CACNA1G: variants seen among roughly 807,000 people sequenced by gnomAD.
CACNA1G encodes voltage-dependent T-type calcium channel subunit alpha-1G.
Under a neutral mutation model 219.4 loss-of-function variants are expected in CACNA1G, and 67 were observed. The observed-to-expected ratio is 0.31, with a 90% CI of 0.25 to 0.37. The LOEUF is 0.37. CACNA1G is among the 10% of genes least tolerant of loss of function. The pLI is 1.00. For synonymous variants in CACNA1G, 1,296 were observed against 1,345.3 expected, an observed-to-expected ratio of 0.96 and a Z score of 0.80; for missense variants, 2,380 against 3,231.4, an observed-to-expected ratio of 0.74 and a Z score of 6.39.
chr17:50,597,621 AT>A (rs907337555), intron 16 of CACNA1G, among the ~76,000 whole-genome samples: 8 of 152,212 alleles, frequency 5.3e-5, no homozygotes, highest in African/African-American at 1.4e-4. Flanking sequence ...TCACATACTT[AT>A]TTTTTTTGTG....
At chr17:50,561,944 TG>T (rs1223701547) in intron 1 of CACNA1G, 4 of 27,120 alleles carry the variant, frequency 1.5e-4, no homozygotes, top group African/African-American at 4.2e-4. Context: ...CTTCCTGGGT[TG>T]GGGGGGTGGG....
intron 1 of CACNA1G, among the ~76,000 whole-genome samples, chr17:50,567,855 T>G (rs2038338581): frequency 1.3e-5 from 2 of 152,096 alleles, no homozygotes; most frequent in African/African-American, 4.8e-5. Context: ...TAGAATCCAC[T>G]GTATGGAAAG....
At chr17:50,587,133 G>C (rs973383261) in intron 9 of CACNA1G, among the ~76,000 whole-genome samples, 1 of 152,196 alleles carries the variant, frequency 6.6e-6, no homozygotes, top group Non-Finnish European at 1.5e-5. Context: ...TGTGCTCTCT[G>C]TGTGAGCTCT....
intron 26 of CACNA1G, among the ~76,000 whole-genome samples, chr17:50,610,402 C>G (rs1362092177): frequency 6.6e-6 from 1 of 152,198 alleles, no homozygotes; most frequent in African/African-American, 2.4e-5. Flanking sequence ...GTCAAGTGAT[C>G]ACGGTGGCTG....
At chr17:50,581,705 C>A (rs1184800434) in intron 9 of CACNA1G, among the ~76,000 whole-genome samples, 1 of 152,214 alleles carries the variant, frequency 6.6e-6, no homozygotes, top group Admixed American at 6.5e-5. Context: ...GCCCAGAGGG[C>A]TGGTGAGAAG....
In CACNA1G at chr17:50,596,926, A is replaced by AG. The variant is rs1387830702; in HGVS notation, c.3258+8dup. 1.9e-6 allele frequency: 3 copies of AG among 1,549,020 alleles called. No homozygotes were observed. Among genetic ancestry groups the AG allele is most frequent in the Non-Finnish European group, 2.6e-6 (3 of 1,147,212 alleles). On this transcript the variant is annotated splice_donor_region_variant and intron_variant, in intron 16 of 37. Transcript: ENST00000359106. This position sits in a 1 kb window ranked among gnomAD's most constrained non-coding sequence, Gnocchi z 4.8. ...CGGCCCACGAGATGAAGTCACCGGT[A>AG]GGGGGTGCATGTGGGTACCCTGATG...
intron 2 of CACNA1G, 35 bp from the exon 3 acceptor site, chr17:50,569,130 G>A (rs761612325): frequency 8.1e-6 from 13 of 1,607,728 alleles, no homozygotes; most frequent in Admixed American, 5.0e-5. Context: ...CCTCACCCAC[G>A]TCTCAGTTTC....
Position 50,603,263 on chromosome 17 carries a change from A to C in CACNA1G, c.4169+64A>C. 1.2e-5 allele frequency: 17 copies of C among 1,374,480 alleles called. No individual in the cohort carries two copies. Among genetic ancestry groups the C allele is most frequent in the Admixed American group, 2.0e-5 (1 of 51,142 alleles). The allele number at this position is 1,374,480 out of a possible 1,614,324, so 85.1% of individuals were successfully genotyped here. A position where few individuals can be genotyped will look rare whatever the true frequency, so the allele number is the denominator to read the frequency against. On this transcript the variant is annotated intron_variant, in intron 21 of 37. Coordinates refer to ENST00000359106, the MANE Select transcript of CACNA1G (RefSeq NM_018896.5). The surrounding 1 kb of genome is among the most constrained non-coding windows in gnomAD (Gnocchi z 6.4). ...GGCCCCCTCCGCAGGGACATCTCCC[A>C]CCGCCAGCACTCCCTGCCACGAAAC...
At chr17:50,612,767 C>T (rs1237009810) in intron 26 of CACNA1G, among the ~76,000 whole-genome samples, 1 of 152,208 alleles carries the variant, frequency 6.6e-6, no homozygotes, top group Non-Finnish European at 1.5e-5. Flanking sequence ...CTGGGCTGCC[C>T]TAGATATGCC....
chr17:50,597,062 C>T, intron 16 of CACNA1G, 139 bp downstream of exon 16: 3 of 851,544 alleles, frequency 3.5e-6, no homozygotes, highest in South Asian at 3.7e-5. Context: ...CCTGGACAAG[C>T]CCCTGGGGAA....
At chr17:50,607,576 C>A in intron 24 of CACNA1G, 1 of 493,332 alleles carries the variant, frequency 2.0e-6, no homozygotes, top group Non-Finnish European at 3.6e-6. Flanking sequence ...TCTGGGAAGA[C>A]TGGGCTTGCA....
chr17:50,590,145 G>C (rs1227352801), intron 9 of CACNA1G, among the ~76,000 whole-genome samples: 1 of 152,164 alleles, frequency 6.6e-6, no homozygotes, highest in Non-Finnish European at 1.5e-5. Flanking sequence ...TTGTAGCCTA[G>C]GTCAAGATGG....
chr17:50,601,033 G>T lies in CACNA1G; in HGVS notation c.3792-18G>T, dbSNP rs1274555765. On this transcript the variant is annotated intron_variant, in intron 18 of 37. Transcript: ENST00000359106. ...GCCCTGCCTCCCCCTCTCAGCCGTT[G>T]CCTCCATGCCTGGGCAGGTTCCGCC... 1 of 1,611,852 alleles carries T rather than the reference G, an allele frequency of 6.2e-7. No homozygotes were observed. The highest frequency in any genetic ancestry group is 8.5e-7 in the Non-Finnish European group (1 of 1,178,534).
rs951350084 is a variant in CACNA1G, at chr17:50,617,765, C to G, written c.5156-94C>G. 5 of 1,473,876 alleles carry G rather than the reference C, an allele frequency of 3.4e-6. No individual in the cohort carries two copies. In the Admixed American group the frequency reaches 8.9e-5, roughly 26 times the overall value. 91.3% of individuals were successfully genotyped at this position (1,473,876 alleles called of 1,614,324 possible). On this transcript the variant is annotated intron_variant, in intron 29 of 37. Transcript: ENST00000359106. This position sits in a 1 kb window ranked among gnomAD's most constrained non-coding sequence, Gnocchi z 5.8. ...ACCTGGCTGGCCCGGAGATGGCCATCCCAGCAGCCCCAGCCCAGCCCTGGT... is the reference window on the plus strand; with the variant it reads ...ACCTGGCTGGCCCGGAGATGGCCATGCCAGCAGCCCCAGCCCAGCCCTGGT...
chr17:50,626,468 G>C lies in CACNA1G; in HGVS notation c.6851G>C (p.Gly2284Ala). The C allele has an allele frequency of 1.3e-6, 2 of 1,599,828 alleles. No homozygotes were observed. The highest frequency in any genetic ancestry group is 1.3e-5 in the African/African-American group (1 of 74,560). The change falls in exon 38 of 38, where the codon GGC (glycine) becomes GCC (alanine). Residue 2284 changes from glycine to alanine, a missense_variant. Coordinates refer to ENST00000359106, the MANE Select transcript of CACNA1G (RefSeq NM_018896.5). This position sits in a 1 kb window ranked among gnomAD's most constrained non-coding sequence, Gnocchi z 4.3. ...CLDSGSQPHL[G>A]TDPSNLGGQP... Reference sequence around the variant, plus strand: ...GACAGCGGCTCCCAACCCCACCTGGGCACAGACCCCTCTAACCTTGGGGGC... The same window carrying C: ...GACAGCGGCTCCCAACCCCACCTGGCCACAGACCCCTCTAACCTTGGGGGC...
chr17:50,598,912 G>C (rs898510528), intron 16 of CACNA1G, among the ~76,000 whole-genome samples: 19 of 152,148 alleles, frequency 1.2e-4, no homozygotes, highest in Non-Finnish European at 1.3e-4. Context: ...ATTTTTAGTA[G>C]AGATGGGGTT....
chr17:50,579,037 G>C (rs934748914), intron 9 of CACNA1G, among the ~76,000 whole-genome samples: 1 of 152,086 alleles, frequency 6.6e-6, no homozygotes, highest in Non-Finnish European at 1.5e-5. Context: ...TGGTGCCTGC[G>C]CCTGGGTGGA....
In CACNA1G at chr17:50,600,505, G is replaced by A. The variant is rs1488454181; in HGVS notation, c.3691-221G>A. On this transcript the variant is annotated intron_variant, in intron 17 of 37. Transcript: ENST00000359106. This position sits in a 1 kb window ranked among gnomAD's most constrained non-coding sequence, Gnocchi z 4.1. ...GGATGCAGGGGAGGAGAGGGAGGAG[G>A]TGGAGAGGCAAGGGGTCCTCAGGGA... Among the ~76,000 whole-genome samples, 1 of 151,952 alleles carries A rather than the reference G, an allele frequency of 6.6e-6. No individual in the cohort carries two copies. Among genetic ancestry groups the A allele is most frequent in the Non-Finnish European group, 1.5e-5 (1 of 67,982 alleles).
intron 14 of CACNA1G, among the ~76,000 whole-genome samples, chr17:50,595,311 C>G (rs951312340): frequency 6.6e-6 from 1 of 152,252 alleles, no homozygotes; most frequent in African/African-American, 2.4e-5. Context: ...CCCTGCCAGA[C>G]TGGTGGATGG....
Sources: gnomAD v4.1 joint callset for allele counts (sites outside exome capture counted in the v4.1 genomes callset) on GRCh38, gnomAD v4.1.1 for gene constraint, Gnocchi (gnomAD v3.1) non-coding constraint, MANE v1.5 for transcripts, NCBI Gene and HGNC (gene_info 2026-07-23, HGNC 2026-07-21) for gene names.